ANKMY1: variants seen among roughly 807,000 people sequenced by gnomAD.
ANKMY1 encodes ankyrin repeat and MYND domain-containing protein 1.
In ANKMY1, 98 loss-of-function variants were observed where a neutral mutation model predicts 102.0. The ratio of observed to expected loss-of-function variants is 0.96; its 90% confidence interval spans 0.82 to 1.14. ANKMY1 has a LOEUF of 1.14. ANKMY1 is among the 50% of genes most tolerant of loss of function. The pLI is 0.00. For synonymous variants in ANKMY1, 582 were observed against 559.9 expected (o/e 1.04, Z -0.56); for missense variants, 1,330 against 1,347.6 (o/e 0.99, Z 0.20).
chr2:240,481,233 G>T, intron 16 of ANKMY1, 136 bp from the exon 17 acceptor site: 1 of 1,117,348 alleles, frequency 8.9e-7, no homozygotes. Flanking sequence ...CCTGCATTGG[G>T]CAGCCTTCAC....
chr2:240,557,093 C>CT, intron 2 of ANKMY1, 97 bp downstream of exon 2: 1 of 1,290,740 alleles, frequency 7.7e-7, no homozygotes, highest in Non-Finnish European at 1.0e-6. Flanking sequence ...GGGAGTAACA[C>CT]AGTTCAGGGA....
intron 11 of ANKMY1, among the ~76,000 whole-genome samples, chr2:240,510,509 C>T (rs896785676): frequency 6.6e-5 from 10 of 152,194 alleles, no homozygotes; most frequent in Non-Finnish European, 1.5e-4. Flanking sequence ...ACTCCTCCTC[C>T]CCCACTGCAG....
At chr2:240,519,005 C>T (rs904338340) in intron 9 of ANKMY1, among the ~76,000 whole-genome samples, 1 of 152,192 alleles carries the variant, frequency 6.6e-6, no homozygotes, top group African/African-American at 2.4e-5. Context: ...AGCTCTCACC[C>T]CATCAACACC....
chr2:240,525,978 C>T, intron 6 of ANKMY1, 129 bp from the exon 7 acceptor site: 1 of 1,248,408 alleles, frequency 8.0e-7, no homozygotes, highest in South Asian at 1.4e-5. Flanking sequence ...CATTCGGGAG[C>T]TTGGCAAAGG....
chr2:240,520,585 C>T lies in ANKMY1; in HGVS notation c.1833-52G>A, dbSNP rs372976340. 1.9e-6 allele frequency: 3 copies of T among 1,556,056 alleles called. No homozygotes were observed. Among genetic ancestry groups the T allele is most frequent in the Non-Finnish European group, 2.6e-6 (3 of 1,151,362 alleles). ...CCCTGGAGGGCAGGCACCTGCACTGCGCCCAGAACGGGGCCATGCCAGCGA... is the reference window on the plus strand; with the variant it reads ...CCCTGGAGGGCAGGCACCTGCACTGTGCCCAGAACGGGGCCATGCCAGCGA... On this transcript the variant is annotated intron_variant, in intron 8 of 17. Coordinates refer to ENST00000401804, the MANE Select transcript of ANKMY1 (RefSeq NM_001282771.3). The surrounding 1 kb of genome is among the most constrained non-coding windows in gnomAD (Gnocchi z 4.8).
chr2:240,524,450 C>T (rs2082953649), intron 7 of ANKMY1, 69 bp from the exon 8 acceptor site: 1 of 1,507,200 alleles, frequency 6.6e-7, no homozygotes, highest in Non-Finnish European at 8.9e-7. Flanking sequence ...GGACCTTCTT[C>T]AGCAAGGACC....
chr2:240,511,770 G>T, intron 11 of ANKMY1, 91 bp downstream of exon 11: 1 of 1,445,288 alleles, frequency 6.9e-7, no homozygotes, highest in South Asian at 1.4e-5. Context: ...GACTCAGCAT[G>T]AGAACACATG....
At chr2:240,560,537 C>A, upstream of ANKMY1, 1 of 1,191,206 alleles carries the variant, frequency 8.4e-7, no homozygotes, top group Non-Finnish European at 1.1e-6. Context: ...GCGGGGGACC[C>A]AAGCCCCAGC....
At chr2:240,552,809 T>A in intron 4 of ANKMY1, 105 bp downstream of exon 4, 1 of 1,553,848 alleles carries the variant, frequency 6.4e-7, no homozygotes, top group Non-Finnish European at 8.8e-7. Context: ...AAGCTACTTG[T>A]AGCTAAACAA....
At chr2:240,548,992 T>C (rs1487640486) in intron 4 of ANKMY1, among the ~76,000 whole-genome samples, 1 of 152,104 alleles carries the variant, frequency 6.6e-6, no homozygotes, top group African/African-American at 2.4e-5. Context: ...AATGACTTTC[T>C]TCACAAAATT....
chr2:240,554,665 G>T, intron 3 of ANKMY1: 1 of 590,606 alleles, frequency 1.7e-6, no homozygotes, highest in Non-Finnish European at 3.0e-6. Context: ...CCTCATCCTG[G>T]GACCCCAGCA....
rs374884125 is a variant in ANKMY1 at position 240,502,768 on chromosome 2, G to A, written c.2527-2203C>T. Among the ~76,000 whole-genome samples the A allele has an allele frequency of 8.8e-5, 13 of 148,142 alleles. No individual in the cohort carries two copies. In the East Asian group the frequency reaches 2.6e-3, roughly 29 times the overall value. Reference sequence around the variant, plus strand: ...CCTCCCCTCCCAAGCCCCCACATCTGAACTATGACATCACTGCATCCGCCC... The same window carrying A: ...CCTCCCCTCCCAAGCCCCCACATCTAAACTATGACATCACTGCATCCGCCC... On this transcript the variant is annotated intron_variant, in intron 13 of 17. Coordinates refer to ENST00000401804, the MANE Select transcript of ANKMY1 (RefSeq NM_001282771.3).
In ANKMY1 at chr2:240,495,307, T is replaced by A. The variant is rs111723881; in HGVS notation, c.2806+4651A>T. On this transcript the variant is annotated intron_variant, in intron 15 of 17. Transcript: ENST00000401804. ...GAGAAGACTCTACTCCACCACCTCT[T>A]GTGGAGGGCCTGACTGATGTCAGGC... 8.9e-3 allele frequency among the ~76,000 whole-genome samples: 1,360 copies of A among 152,250 alleles called. 17 individuals are homozygous for A. The highest frequency in any genetic ancestry group is 0.03 in the African/African-American group (1,258 of 41,540).
At position 240,512,313 on chromosome 2, in the gene ANKMY1, G is replaced by A. The variant is rs987097782; in HGVS notation, c.2146-312C>T. Among the ~76,000 whole-genome samples, 3 of 152,192 alleles carry A rather than the reference G, an allele frequency of 2.0e-5. No homozygotes were observed. In the East Asian group the frequency reaches 5.8e-4, roughly 30 times the overall value. On this transcript the variant is annotated intron_variant, in intron 10 of 17. Coordinates refer to ENST00000401804, the MANE Select transcript of ANKMY1 (RefSeq NM_001282771.3). ...TGGCTCCTGCTGTGTGCTGGCGACT[G>A]AAAGCCTCAGAGCTCCTGCCCTCAA...
rs535124694 is a variant in ANKMY1, at chr2:240,483,070, T to G, written c.2807-809A>C. ...CACCAGTAGCATTTGTAAATCTATT[T>G]TTTCTGATATTAGCCATTCCAGCCT... is the stretch of plus-strand genomic sequence containing the variant. On this transcript the variant is annotated intron_variant, in intron 15 of 17. Transcript: ENST00000401804. Among the ~76,000 whole-genome samples, 4 of 152,360 alleles carry G rather than the reference T, an allele frequency of 2.6e-5. No homozygotes were observed. In the East Asian group the frequency reaches 7.7e-4, roughly 29 times the overall value.
chr2:240,552,028 G>A (rs6724224), intron 4 of ANKMY1, among the ~76,000 whole-genome samples: 98,269 of 152,032 alleles, frequency 0.65, 32,250 homozygotes, highest in South Asian at 0.83. Context: ...TTTGTTCACC[G>A]TGACTGCTTC....
At position 240,499,903 on chromosome 2, in the gene ANKMY1, C is replaced by CACGAGG; in HGVS notation, c.2806+49_2806+54dup. 1 of 1,541,662 alleles carries CACGAGG rather than the reference C, an allele frequency of 6.5e-7. No homozygotes were observed. Among genetic ancestry groups the CACGAGG allele is most frequent in the Non-Finnish European group, 8.8e-7 (1 of 1,137,934 alleles). The stretch of plus-strand genomic sequence containing the variant: ...GATCTCCAGGGATAACAGCCCCAGG[C>CACGAGG]ACGAGGCCGGAACGCCGCCCTGTGG... On this transcript the variant is annotated intron_variant, in intron 15 of 17. Transcript: ENST00000401804. This position sits in a 1 kb window ranked among gnomAD's most constrained non-coding sequence, Gnocchi z 4.2.
Position 240,479,499 on chromosome 2 carries a change from G to A in ANKMY1, c.*110C>T, listed in dbSNP as rs918061862. On this transcript the variant is annotated 3_prime_UTR_variant, in exon 18 of 18. Transcript: ENST00000401804. The stretch of plus-strand genomic sequence containing the variant: ...CACTGCTACAAAGCATGACCCCAAA[G>A]GTGCAGAAATGCCTGCATTAGGCTG... 42 of 1,310,166 alleles carry A rather than the reference G, an allele frequency of 3.2e-5. No individual in the cohort carries two copies. In the East Asian group the frequency reaches 9.7e-4, roughly 30 times the overall value. 81.2% of individuals were successfully genotyped at this position (1,310,166 alleles called of 1,614,324 possible).
rs748716532 is a variant in ANKMY1 at position 240,529,509 on chromosome 2, C to A, written c.481G>T (p.Gly161Trp). 1.9e-6 allele frequency: 3 copies of A among 1,608,620 alleles called. No individual in the cohort carries two copies. Among genetic ancestry groups the A allele is most frequent in the Non-Finnish European group, 2.5e-6 (3 of 1,176,926 alleles). ...AACCGCTGGTCCGCTTTGTATAGCC[C>A]CTGCCAAGGAAGCGCAATAGACCGA... ...TMYMKTRLFQ[G>W]LYKADQRFGP... The change falls in exon 5 of 18, where the codon GGG (glycine) becomes TGG (tryptophan). Residue 161 changes from glycine to tryptophan, a missense_variant and splice_region_variant. By Grantham distance (184) the Gly-to-Trp change is radical (BLOSUM62 -2). Transcript: ENST00000401804. The surrounding 1 kb of genome is among the most constrained non-coding windows in gnomAD (Gnocchi z 4.2).
Sources: gnomAD v4.1 joint callset for allele counts (sites outside exome capture counted in the v4.1 genomes callset) on GRCh38, gnomAD v4.1.1 for gene constraint, Gnocchi (gnomAD v3.1) non-coding constraint, MANE v1.5 for transcripts, NCBI Gene and HGNC (gene_info 2026-07-23, HGNC 2026-07-21) for gene names.